NFIC: variants seen among roughly 807,000 people sequenced by gnomAD.
NFIC encodes the protein nuclear factor 1 C-type.
Under a neutral mutation model 54.4 loss-of-function variants are expected in NFIC, and 12 were observed. The observed-to-expected ratio is 0.22, with a 90% confidence interval of 0.14 to 0.36. The LOEUF (loss-of-function observed/expected upper bound fraction) is 0.36. Ranked by LOEUF, NFIC falls within the 10% of genes least tolerant of loss-of-function variation. NFIC has a pLI of 1.00. For missense variants in NFIC, 575 were observed against 718.2 expected (o/e 0.80, Z 2.28); for synonymous variants, 322 against 319.2 (o/e 1.01, Z -0.09).
chr19:3,392,368 G>A (rs1024223542), intron 2 of NFIC, among the ~76,000 whole-genome samples: 3 of 152,208 alleles, frequency 2.0e-5, no homozygotes, highest in Non-Finnish European at 2.9e-5. Context: ...CACCGCACCC[G>A]GCCTAAATGA....
chr19:3,364,563 T>G (rs1332952253), upstream of NFIC, among the ~76,000 whole-genome samples: 1 of 152,178 alleles, frequency 6.6e-6, no homozygotes, highest in East Asian at 1.9e-4. Flanking sequence ...ACCAATAATA[T>G]TCACACAGCC....
At chr19:3,404,391 G>C (rs533131415) in intron 2 of NFIC, among the ~76,000 whole-genome samples, 1 of 152,282 alleles carries the variant, frequency 6.6e-6, no homozygotes, top group Admixed American at 6.5e-5. Flanking sequence ...GGAGTGGCTG[G>C]TGCCGAGTGG....
In NFIC at chr19:3,419,290, A is replaced by C. The variant is rs2081915825; in HGVS notation, c.563-5816A>C. On this transcript the variant is annotated intron_variant, in intron 2 of 10. Transcript: ENST00000443272. ...TAAAAATTAAAATGAGATGGCATAG[A>C]TTTATAGCATATTATTTTTAAAACT... 4.6e-5 allele frequency among the ~76,000 whole-genome samples: 7 copies of C among 152,182 alleles called. No individual in the cohort carries two copies. The South Asian group carries it at 1.4e-3, about 32-fold the overall frequency.
intron 6 of NFIC, among the ~76,000 whole-genome samples, chr19:3,447,946 C>T (rs1216526303): frequency 6.6e-6 from 1 of 152,228 alleles, no homozygotes; most frequent in Non-Finnish European, 1.5e-5. Context: ...TTCTTGTTGC[C>T]TGGGCTGGAG....
chr19:3,463,065 G>A lies in NFIC; in HGVS notation c.*296G>A. The A allele has an allele frequency of 7.6e-7, 1 of 1,319,980 alleles. No homozygotes were observed. Among genetic ancestry groups the A allele is most frequent in the Non-Finnish European group, 9.6e-7 (1 of 1,037,048 alleles). The allele number at this position is 1,319,980 out of a possible 1,614,324, so 81.8% of individuals were successfully genotyped here. On this transcript the variant is annotated 3_prime_UTR_variant, in exon 11 of 11. Transcript: ENST00000443272. ...CCAAGGCCGCAGGACTGGAGGGCCA[G>A]GCCCCGCCACCCCCACGGGAGACCC...
chr19:3,423,077 A>T (rs1200076820), intron 2 of NFIC, among the ~76,000 whole-genome samples: 1 of 152,134 alleles, frequency 6.6e-6, no homozygotes. Flanking sequence ...GCGCGCCTGT[A>T]ATCTCAGCTA....
At chr19:3,415,176 G>A (rs1346841143) in intron 2 of NFIC, among the ~76,000 whole-genome samples, 2 of 144,882 alleles carry the variant, frequency 1.4e-5, no homozygotes, top group African/African-American at 5.2e-5. Context: ...GCAGTGGTAC[G>A]ATCTCGGCTC....
chr19:3,413,152 T>C (rs1205081431), intron 2 of NFIC, among the ~76,000 whole-genome samples: 1 of 152,168 alleles, frequency 6.6e-6, no homozygotes, highest in Admixed American at 6.5e-5. Context: ...TTTCACCGTG[T>C]TAGCCAGGCT....
chr19:3,393,458 C>A (rs1182292207), intron 2 of NFIC, among the ~76,000 whole-genome samples: 1 of 152,058 alleles, frequency 6.6e-6, no homozygotes, highest in African/African-American at 2.4e-5. Context: ...TCCACTGGGG[C>A]CCTGACCACA....
chr19:3,384,919 C>G (rs1362216827), intron 2 of NFIC, among the ~76,000 whole-genome samples: 1 of 152,252 alleles, frequency 6.6e-6, no homozygotes, highest in Non-Finnish European at 1.5e-5. Context: ...ACATCTTCCT[C>G]GCCCGGGGCC....
intron 10 of NFIC, among the ~76,000 whole-genome samples, chr19:3,461,898 A>T (rs1421812657): frequency 6.6e-6 from 1 of 151,684 alleles, no homozygotes; most frequent in Admixed American, 6.6e-5. Flanking sequence ...TACTAAAAAT[A>T]TAAAAATTAG....
chr19:3,385,203 C>CT (rs993934822), intron 2 of NFIC, among the ~76,000 whole-genome samples: 5 of 149,948 alleles, frequency 3.3e-5, no homozygotes, highest in African/African-American at 1.2e-4. Context: ...CAGGGCACAC[C>CT]CCCCCCCAAC....
chr19:3,417,039 A>G (rs1399152272), intron 2 of NFIC, among the ~76,000 whole-genome samples: 8 of 133,394 alleles, frequency 6.0e-5, no homozygotes, highest in Admixed American at 5.1e-4. Flanking sequence ...GCCCGCCACC[A>G]GGCCCAGCTA....
At chr19:3,425,616 C>T (rs567871962) in intron 3 of NFIC, among the ~76,000 whole-genome samples, 10 of 152,178 alleles carry the variant, frequency 6.6e-5, no homozygotes, top group Admixed American at 2.0e-4. Context: ...CCTGCCACCA[C>T]ACCCGGCTAA....
At chr19:3,400,055 G>A (rs956880740) in intron 2 of NFIC, among the ~76,000 whole-genome samples, 10 of 152,080 alleles carry the variant, frequency 6.6e-5, no homozygotes, top group Non-Finnish European at 1.3e-4. Flanking sequence ...AGGACAGCAC[G>A]GAGCACAGAC....
chr19:3,410,129 C>T (rs2081729740), intron 2 of NFIC, among the ~76,000 whole-genome samples: 1 of 152,120 alleles, frequency 6.6e-6, no homozygotes, highest in South Asian at 2.1e-4. Flanking sequence ...CAAGCTCCGC[C>T]TCCCGGGTTC....
intron 2 of NFIC, among the ~76,000 whole-genome samples, chr19:3,413,016 G>C (rs2081790423): frequency 6.6e-6 from 1 of 152,168 alleles, no homozygotes; most frequent in South Asian, 2.1e-4. Flanking sequence ...GGCCCAGCCT[G>C]GGGCTCACTG....
At position 3,370,921 on chromosome 19, in the gene NFIC, G is replaced by T. The variant is rs745406513; in HGVS notation, c.30+4255G>T. On this transcript the variant is annotated intron_variant, in intron 1 of 10. Coordinates refer to ENST00000443272, the MANE Select transcript of NFIC (RefSeq NM_001245002.2). This position sits in a 1 kb window ranked among gnomAD's most constrained non-coding sequence, Gnocchi z 5.2. ...GAGCACACAGCGTGCGGGCACCCAA[G>T]TCCTGACCAGTTCACATCCATGAGC... Among the ~76,000 whole-genome samples, 1 of 152,184 alleles carries T rather than the reference G, an allele frequency of 6.6e-6. No homozygotes were observed.
At chr19:3,417,240 G>GAGAC in intron 2 of NFIC, among the ~76,000 whole-genome samples, 1 of 152,214 alleles carries the variant, frequency 6.6e-6, no homozygotes, top group East Asian at 1.9e-4. Context: ...CCAGGAGTTA[G>GAGAC]AGACCGGCCT....
Sources: gnomAD v4.1 joint callset for allele counts (sites outside exome capture counted in the v4.1 genomes callset) on GRCh38, gnomAD v4.1.1 for gene constraint, Gnocchi (gnomAD v3.1) non-coding constraint, MANE v1.5 for transcripts, NCBI Gene and HGNC (gene_info 2026-07-23, HGNC 2026-07-21) for gene names.